Variants in SULF1 observed in about 807,000 individuals in gnomAD.
SULF1 encodes extracellular sulfatase Sulf-1.
A neutral mutation model predicts 110.5 loss-of-function variants in SULF1; 46 were observed. The observed-to-expected ratio is 0.42, with a 90% CI of 0.33 to 0.53. The LOEUF is 0.53. Ranked by LOEUF, SULF1 falls within the 20% of genes least tolerant of loss-of-function variation. The pLI is 0.12. For missense variants in SULF1, 941 were observed against 1,094.2 expected (o/e 0.86, Z 1.98); for synonymous variants, 371 against 387.1 (o/e 0.96, Z 0.49).
At chr8:69,494,297 T>G (rs993534284) in intron 1 of SULF1, among the ~76,000 whole-genome samples, 18 of 152,228 alleles carry the variant, frequency 1.2e-4, no homozygotes, top group African/African-American at 4.3e-4. Flanking sequence ...AATTCTTACA[T>G]TTGTTGTATC....
At chr8:69,486,678 A>G (rs1420924899) in intron 1 of SULF1, among the ~76,000 whole-genome samples, 3 of 152,150 alleles carry the variant, frequency 2.0e-5, no homozygotes, top group Non-Finnish European at 2.9e-5. Context: ...CAACTCTCCT[A>G]CAGAACACAC....
At chr8:69,644,086 G>T (rs766080287) in intron 22 of SULF1, among the ~76,000 whole-genome samples, 2 of 152,182 alleles carry the variant, frequency 1.3e-5, no homozygotes, top group African/African-American at 2.4e-5. Flanking sequence ...TGGGCTGTTA[G>T]ACCACACAGA....
At position 69,660,421 on chromosome 8, in the gene SULF1, G is replaced by T. The variant is rs1332635589; in HGVS notation, c.*1886G>T. On this transcript the variant is annotated 3_prime_UTR_variant, in exon 23 of 23. Transcript: ENST00000402687. ...ATTGCTTTTGAAAATCTGTATTCTTGAAAATATCCTTGTTGTGTATTAGGT... is the reference window on the plus strand; with the variant it reads ...ATTGCTTTTGAAAATCTGTATTCTTTAAAATATCCTTGTTGTGTATTAGGT... 4 of 152,452 alleles carry T rather than the reference G, an allele frequency of 2.6e-5. No homozygotes were observed. The highest frequency in any genetic ancestry group is 5.9e-5 in the Non-Finnish European group (4 of 67,988). The allele number at this position is 152,452 out of a possible 1,614,324, so 9.4% of individuals were successfully genotyped here.
chr8:69,509,121 A>C (rs1270559055), intron 3 of SULF1, among the ~76,000 whole-genome samples: 3 of 152,236 alleles, frequency 2.0e-5, no homozygotes, highest in Non-Finnish European at 4.4e-5. Flanking sequence ...GGGAGTAGAC[A>C]TATGAAGCCA....
intron 16 of SULF1, 40 bp from the exon 17 acceptor site, chr8:69,627,732 C>T: frequency 1.5e-6 from 2 of 1,351,594 alleles, no homozygotes; most frequent in Non-Finnish European, 2.1e-6. Context: ...AAAGAAAATC[C>T]TGATCTTAAT....
At chr8:69,498,135 A>AG (rs1296728873) in intron 2 of SULF1, among the ~76,000 whole-genome samples, 1 of 151,660 alleles carries the variant, frequency 6.6e-6, no homozygotes, top group African/African-American at 2.4e-5. Context: ...ACACACACAC[A>AG]CACACACACA....
intron 3 of SULF1, among the ~76,000 whole-genome samples, chr8:69,535,603 C>T (rs1029175227): frequency 5.3e-5 from 8 of 152,168 alleles, no homozygotes; most frequent in African/African-American, 1.9e-4. Flanking sequence ...AGGAGTAAAG[C>T]TCTAACCTTT....
intron 13 of SULF1, among the ~76,000 whole-genome samples, chr8:69,612,122 A>G: frequency 6.6e-6 from 1 of 152,146 alleles, no homozygotes; most frequent in Middle Eastern, 3.2e-3. Context: ...TTCCTGAGTT[A>G]CTTCACTTAG....
chr8:69,604,855 C>A lies in SULF1; in HGVS notation c.1300C>A (p.His434Asn), dbSNP rs1380659961. The part of the protein sequence containing the change: ...ESSKNIQQSN[H>N]LPKYERVKEL... The stretch of plus-strand genomic sequence containing the variant: ...CAGCAAGAATATCCAACAGTCAAAT[C>A]ACTTGCCCAAATATGAACGGGTCAA... Residue 434 changes from histidine (H) to asparagine (N), a missense_variant, in exon 13 of 23, where the codon CAC becomes AAC. His to Asn is a moderately conservative substitution (Grantham distance 68, BLOSUM62 1). Transcript: ENST00000402687. The A allele has an allele frequency of 3.1e-6, 5 of 1,614,042 alleles. No individual in the cohort carries two copies. The Admixed American group carries it at 5.0e-5, about 16-fold the overall frequency.
At chr8:69,624,290 G>C in intron 15 of SULF1, 93 bp downstream of exon 15, 1 of 1,491,628 alleles carries the variant, frequency 6.7e-7, no homozygotes, top group Middle Eastern at 1.8e-4. Context: ...CAAAAAAGCA[G>C]TATCACTTGG....
chr8:69,544,914 G>C (rs1044690832), intron 3 of SULF1, among the ~76,000 whole-genome samples: 1 of 151,962 alleles, frequency 6.6e-6, no homozygotes, highest in Non-Finnish European at 1.5e-5. Context: ...CCATCATTTG[G>C]GGGTTACCAC....
intron 13 of SULF1, among the ~76,000 whole-genome samples, chr8:69,614,523 T>G (rs1253102579): frequency 1.3e-5 from 2 of 152,252 alleles, no homozygotes; most frequent in African/African-American, 4.8e-5. Flanking sequence ...AATGAAATTG[T>G]TTGAAATGCG....
intron 3 of SULF1, among the ~76,000 whole-genome samples, chr8:69,546,156 C>T (rs1207289470): frequency 6.6e-6 from 1 of 152,102 alleles, no homozygotes; most frequent in East Asian, 1.9e-4. Context: ...ATAAAGAAGA[C>T]AATGAATGAT....
At chr8:69,628,306 G>A in intron 18 of SULF1, 70 bp downstream of exon 18, 4 of 1,339,640 alleles carry the variant, frequency 3.0e-6, no homozygotes, top group Middle Eastern at 1.8e-4. Context: ...CGAAGAGGCT[G>A]GAGGGACCCC....
intron 3 of SULF1, among the ~76,000 whole-genome samples, chr8:69,538,445 G>A (rs1813615463): frequency 6.6e-6 from 1 of 152,110 alleles, no homozygotes; most frequent in African/African-American, 2.4e-5. Flanking sequence ...AATGCACTAA[G>A]GCCGGGCCCC....
chr8:69,521,908 G>A (rs539377614), intron 3 of SULF1, among the ~76,000 whole-genome samples: 3 of 151,776 alleles, frequency 2.0e-5, no homozygotes, highest in African/African-American at 7.3e-5. Flanking sequence ...TTTGGTGATA[G>A]CAATAGAAGT....
At chr8:69,570,172 T>A (rs990462756) in intron 5 of SULF1, among the ~76,000 whole-genome samples, 4 of 152,190 alleles carry the variant, frequency 2.6e-5, no homozygotes, top group African/African-American at 9.6e-5. Flanking sequence ...CAGTAAGAGC[T>A]GGGTTTGCTT....
chr8:69,579,279 T>C (rs1304498080), intron 6 of SULF1, among the ~76,000 whole-genome samples: 1 of 150,374 alleles, frequency 6.7e-6, no homozygotes, highest in Non-Finnish European at 1.5e-5. Context: ...TGGGGCCGGG[T>C]GCAGTGGCTC....
intron 3 of SULF1, among the ~76,000 whole-genome samples, chr8:69,502,384 C>T (rs922765924): frequency 3.9e-5 from 6 of 152,160 alleles, no homozygotes; most frequent in African/African-American, 7.2e-5. Flanking sequence ...ATTCACAGCT[C>T]GTCTTCACAG....
Sources: allele counts gnomAD v4.1 joint callset (sites outside exome capture counted in the v4.1 genomes callset), GRCh38; gene constraint gnomAD v4.1.1; transcripts MANE v1.5; gene names NCBI Gene and HGNC (gene_info 2026-07-23, HGNC 2026-07-21).